The following MYLK4 variants were observed in gnomAD, a reference collection of about 807,000 sequenced individuals.
The protein encoded by MYLK4 is myosin light chain kinase family member 4, also known as caMLCK like.
In MYLK4, 46 loss-of-function variants were observed where a neutral mutation model predicts 48.1. The ratio of observed to expected loss-of-function variants is 0.96; its 90% CI spans 0.75 to 1.22. The LOEUF is 1.22. Ranked by LOEUF, MYLK4 falls within the 50% of genes most tolerant of loss-of-function variation. The pLI is 0.00. For synonymous variants in MYLK4, 170 were observed against 180.8 expected (o/e 0.94, Z 0.48); for missense variants, 451 against 486.1 (o/e 0.93, Z 0.68).
the MYLK4 span, among the ~76,000 whole-genome samples, chr6:2,760,963 T>C: frequency 6.6e-6 from 1 of 152,178 alleles, no homozygotes; most frequent in African/African-American, 2.4e-5. Flanking sequence ...GACTAACTTT[T>C]AAGATGCTGA....
the MYLK4 span, chr6:2,768,720 C>A: frequency 6.2e-7 from 1 of 1,611,900 alleles, no homozygotes; most frequent in Non-Finnish European, 8.5e-7. Context: ...TAGCCAGCAA[C>A]AGCAAGAAAC....
chr6:2,765,058 C>T, the MYLK4 span, among the ~76,000 whole-genome samples: 5 of 152,136 alleles, frequency 3.3e-5, no homozygotes, highest in Non-Finnish European at 7.4e-5. Context: ...AAGCGGCGCT[C>T]GCCGCTCCAA....
chr6:2,713,514 T>C (rs1762756446), intron 2 of MYLK4, among the ~76,000 whole-genome samples: 2 of 152,226 alleles, frequency 1.3e-5, no homozygotes, highest in Admixed American at 1.3e-4. Context: ...AAGAGAAGGT[T>C]CTGTGTGTGT....
chr6:2,725,678 T>TG (rs1763248680), intron 2 of MYLK4, among the ~76,000 whole-genome samples: 1 of 149,228 alleles, frequency 6.7e-6, no homozygotes, highest in Non-Finnish European at 1.5e-5. Context: ...AGAAAAATTT[T>TG]AAAAAGAATA....
At chr6:2,723,990 C>T (rs1763160731) in intron 2 of MYLK4, among the ~76,000 whole-genome samples, 1 of 152,116 alleles carries the variant, frequency 6.6e-6, no homozygotes, top group African/African-American at 2.4e-5. Context: ...GATTCTCCTG[C>T]CTCAGCCTCC....
intron 2 of MYLK4, among the ~76,000 whole-genome samples, chr6:2,747,501 A>T (rs1764139680): frequency 6.6e-6 from 1 of 151,986 alleles, no homozygotes; most frequent in East Asian, 1.9e-4. Flanking sequence ...GTGTGCCACC[A>T]TGCCCGCTAT....
chr6:2,745,036 C>T (rs2113371115), intron 2 of MYLK4, among the ~76,000 whole-genome samples: 1 of 152,212 alleles, frequency 6.6e-6, no homozygotes. Context: ...TAGGGGTGAA[C>T]AGGCAGGTGG....
rs114239908 is a variant in MYLK4, at chr6:2,693,549, C to T, written c.160-690G>A. Among the ~76,000 whole-genome samples, 538 of 152,220 alleles carry T rather than the reference C, an allele frequency of 3.5e-3. 1 individual carries two copies. Among genetic ancestry groups the T allele is most frequent in the African/African-American group, 0.012 (515 of 41,518 alleles). On this transcript the variant is annotated intron_variant, in intron 2 of 12. Transcript: ENST00000274643. ...TGAGCAAACCGTTAGCTAATGTACCCCATATAAAAGGGAAACATTAGCCCA... is the reference window on the plus strand; with the variant it reads ...TGAGCAAACCGTTAGCTAATGTACCTCATATAAAAGGGAAACATTAGCCCA...
At chr6:2,706,410 T>A (rs987234242) in intron 2 of MYLK4, among the ~76,000 whole-genome samples, 1 of 152,138 alleles carries the variant, frequency 6.6e-6, no homozygotes, top group African/African-American at 2.4e-5. Context: ...TTGGAGGTGA[T>A]GGATAAGTTT....
At chr6:2,749,980 G>A (rs535062011) in intron 1 of MYLK4, among the ~76,000 whole-genome samples, 1 of 152,222 alleles carries the variant, frequency 6.6e-6, no homozygotes, top group East Asian at 1.9e-4. Flanking sequence ...GCTATGTACC[G>A]AGAAGTTCAG....
chr6:2,766,555 G>A, the MYLK4 span: 11 of 1,407,134 alleles, frequency 7.8e-6, no homozygotes, highest in Non-Finnish European at 9.3e-6. Flanking sequence ...GCCTCTCCTG[G>A]ATAAGGGGGT....
intron 2 of MYLK4, among the ~76,000 whole-genome samples, chr6:2,737,926 G>C (rs4959722): frequency 0.83 from 103,584 of 125,516 alleles, 42,768 homozygotes; most frequent in East Asian, 0.94. Context: ...AAGCCAAGCA[G>C]TGTGTTAACT....
At chr6:2,765,810 G>A in the MYLK4 span, 4 of 1,358,082 alleles carry the variant, frequency 2.9e-6, no homozygotes, top group Non-Finnish European at 3.8e-6. Flanking sequence ...CGGGCCAAGG[G>A]GCCCTCGCCG....
At chr6:2,738,713 A>G (rs1763787327) in intron 2 of MYLK4, among the ~76,000 whole-genome samples, 1 of 152,278 alleles carries the variant, frequency 6.6e-6, no homozygotes, top group South Asian at 2.1e-4. Context: ...AACAATCATT[A>G]AAACATACTT....
the MYLK4 span, among the ~76,000 whole-genome samples, chr6:2,763,497 A>T: frequency 6.6e-6 from 1 of 152,188 alleles, no homozygotes; most frequent in African/African-American, 2.4e-5. Flanking sequence ...CGGCCTGGCG[A>T]GAAGTGCTGT....
chr6:2,683,966 G>A (rs1029239426), intron 6 of MYLK4, among the ~76,000 whole-genome samples: 2 of 152,160 alleles, frequency 1.3e-5, no homozygotes, highest in Non-Finnish European at 2.9e-5. Context: ...ACCCTCCGTG[G>A]ATGCCTGAAA....
At chr6:2,691,616 C>T (rs966844600) in intron 3 of MYLK4, among the ~76,000 whole-genome samples, 14 of 152,128 alleles carry the variant, frequency 9.2e-5, no homozygotes, top group African/African-American at 3.1e-4. Context: ...TTTTAACTTA[C>T]GGATAAATCT....
Position 2,663,832 on chromosome 6 carries a change from G to A in MYLK4, c.*4093C>T, listed in dbSNP as rs1451373448. The stretch of plus-strand genomic sequence containing the variant: ...ATAAACCTAGTCAGAAAGACTCACT[G>A]ACATCTATCAGCTGAGACGACAGCA... On this transcript the variant is annotated 3_prime_UTR_variant, in exon 13 of 13. Coordinates refer to ENST00000274643, the MANE Select transcript of MYLK4 (RefSeq NM_001012418.5). The A allele has an allele frequency of 3.3e-5, 5 of 152,476 alleles. No homozygotes were observed. The highest frequency in any genetic ancestry group is 7.3e-5 in the Non-Finnish European group (5 of 68,030). 9.4% of individuals were successfully genotyped at this position (152,476 alleles called of 1,614,324 possible).
At chr6:2,732,167 G>A (rs1763500753) in intron 2 of MYLK4, among the ~76,000 whole-genome samples, 1 of 152,200 alleles carries the variant, frequency 6.6e-6, no homozygotes. Context: ...CAGCTTCCAC[G>A]AAATGATAAG....
Sources: gnomAD v4.1 joint callset for allele counts (sites outside exome capture counted in the v4.1 genomes callset) on GRCh38, gnomAD v4.1.1 for gene constraint, MANE v1.5 for transcripts, NCBI Gene and HGNC (gene_info 2026-07-23, HGNC 2026-07-21) for gene names.